The following KDM3B variants were observed in gnomAD, a reference collection of about 807,000 sequenced individuals.
The protein encoded by KDM3B is lysine demethylase 3B.
KDM3B carries 10 observed loss-of-function variants against 170.0 expected under a neutral mutation model. That is an observed-to-expected ratio of 0.06 (90% confidence interval 0.04 to 0.10). The LOEUF (loss-of-function observed/expected upper bound fraction) is 0.10. Among genes scored for constraint, KDM3B ranks in the 10% least tolerant of loss-of-function variants. KDM3B has a pLI of 1.00. For missense variants in KDM3B, 1,394 were observed against 2,195.2 expected (o/e 0.64, Z 7.29); for synonymous variants, 831 against 834.8 (o/e 1.00, Z 0.08).
intron 15 of KDM3B, among the ~76,000 whole-genome samples, chr5:138,423,561 T>A (rs988227236): frequency 8.5e-5 from 13 of 152,326 alleles, no homozygotes; most frequent in Admixed American, 7.2e-4. Context: ...AGGAGACTGC[T>A]TTCAGAATGT....
chr5:138,359,815 C>T (rs1266461036), intron 1 of KDM3B, among the ~76,000 whole-genome samples: 1 of 152,136 alleles, frequency 6.6e-6, no homozygotes, highest in Admixed American at 6.5e-5. Flanking sequence ...GAAGTGAAAG[C>T]ATATCCGCCC....
chr5:138,377,009 G>A (rs1014706309), intron 3 of KDM3B, among the ~76,000 whole-genome samples: 1 of 152,202 alleles, frequency 6.6e-6, no homozygotes, highest in Admixed American at 6.6e-5. Flanking sequence ...GACCAGAGCA[G>A]TTATTTCCTA....
chr5:138,419,700 TACAC>T (rs1217165992), intron 14 of KDM3B, among the ~76,000 whole-genome samples: 1 of 124,094 alleles, frequency 8.1e-6, no homozygotes, highest in African/African-American at 3.2e-5. Context: ...CATATATATA[TACAC>T]ACACACATAT....
intron 9 of KDM3B, 90 bp downstream of exon 9, chr5:138,393,462 C>A: frequency 8.9e-7 from 1 of 1,117,388 alleles, no homozygotes; most frequent in African/African-American, 1.6e-5. Flanking sequence ...CATGTTTCAT[C>A]ATCTTGGTCT....
Position 138,419,652 on chromosome 5 carries a change from CAA to C in KDM3B, c.3715+436_3715+437del, listed in dbSNP as rs1170205178. ...CCTGGGTAACAGCAAGACTCTGTCT[CAA>C]AAAAAAAAAAAAAAATATATATATA... On this transcript the variant is annotated intron_variant, in intron 14 of 23. Coordinates refer to ENST00000314358, the MANE Select transcript of KDM3B (RefSeq NM_016604.4). Among the ~76,000 whole-genome samples the C allele has an allele frequency of 1.3e-3, 62 of 47,082 alleles. 1 individual carries two copies. Among genetic ancestry groups the C allele is most frequent in the African/African-American group, 1.8e-3 (19 of 10,346 alleles). 30.9% of individuals were successfully genotyped at this position (47,082 alleles called of 152,430 possible).
In KDM3B at chr5:138,358,169, G is replaced by A. The variant is rs151293716; in HGVS notation, c.192+5182G>A. Among the ~76,000 whole-genome samples, 295 of 151,574 alleles carry A rather than the reference G, an allele frequency of 1.9e-3. 8 individuals are homozygous for A. The East Asian group carries it at 0.045, about 23-fold the overall frequency. On this transcript the variant is annotated intron_variant, in intron 1 of 23. Transcript: ENST00000314358. ...TCCACCACCATGTAATTTTAGTAGA[G>A]ATGGGGTTTCACCATGTTGGCCAGG...
intron 1 of KDM3B, among the ~76,000 whole-genome samples, chr5:138,353,615 G>A (rs1207744405): frequency 1.3e-5 from 2 of 152,214 alleles, no homozygotes; most frequent in African/African-American, 4.8e-5. Flanking sequence ...GGTGACAGGA[G>A]CTGCAGTTGT....
At chr5:138,362,355 C>A (rs1761630706) in intron 1 of KDM3B, among the ~76,000 whole-genome samples, 2 of 151,682 alleles carry the variant, frequency 1.3e-5, no homozygotes, top group African/African-American at 4.8e-5. Flanking sequence ...CCTTATGAAC[C>A]AGGGAAGATT....
chr5:138,355,612 A>T (rs1761429754), intron 1 of KDM3B, among the ~76,000 whole-genome samples: 1 of 152,224 alleles, frequency 6.6e-6, no homozygotes, highest in Non-Finnish European at 1.5e-5. Context: ...TTTGTGTTTT[A>T]AAATGGGCCT....
chr5:138,435,547 G>C, intron 23 of KDM3B, 73 bp from the exon 24 acceptor site: 1 of 1,196,002 alleles, frequency 8.4e-7, no homozygotes. Context: ...TAAACCAGTA[G>C]GCTTACAGTC....
chr5:138,366,640 C>A (rs1432629734), intron 1 of KDM3B, among the ~76,000 whole-genome samples: 2 of 152,090 alleles, frequency 1.3e-5, no homozygotes, highest in Non-Finnish European at 2.9e-5. Context: ...CCCCCATTAT[C>A]TTTCTATAGT....
chr5:138,390,944 G>A (rs1191127236), intron 7 of KDM3B, 69 bp from the exon 8 acceptor site: 2 of 1,417,702 alleles, frequency 1.4e-6, no homozygotes, highest in Non-Finnish European at 1.9e-6. Context: ...TGATAGTGAG[G>A]TCCAAGAAAG....
At chr5:138,373,104 C>G (rs570507110) in intron 2 of KDM3B, among the ~76,000 whole-genome samples, 30 of 152,262 alleles carry the variant, frequency 2.0e-4, no homozygotes, top group African/African-American at 5.1e-4. Flanking sequence ...CTTTGGGAGG[C>G]TGAAGCAGGA....
Position 138,352,819 on chromosome 5 carries a change from G to A in KDM3B, c.24G>A (p.Pro8=), listed in dbSNP as rs964448286. The part of the protein sequence containing the change: MADAAAS[P]VGKRLLLLFA... ...CGATGGCGGACGCGGCGGCCTCCCC[G>A]GTGGGCAAGCGGCTGCTGCTGCTGT... is the stretch of plus-strand genomic sequence containing the variant. Residue 8 remains proline, a synonymous_variant, in exon 1 of 24, where the codon CCG becomes CCA. Transcript: ENST00000314358. 6.8e-6 allele frequency: 9 copies of A among 1,329,842 alleles called. No homozygotes were observed. The African/African-American group carries it at 1.1e-4, about 16-fold the overall frequency. The allele number at this position is 1,329,842 out of a possible 1,614,324, so 82.4% of individuals were successfully genotyped here.
Position 138,411,224 on chromosome 5 carries a change from C to T in KDM3B, c.3200-3908C>T, listed in dbSNP as rs1003873892. On this transcript the variant is annotated intron_variant, in intron 11 of 23. Coordinates refer to ENST00000314358, the MANE Select transcript of KDM3B (RefSeq NM_016604.4). ...CAAGGAGCCCTCTGGTGGCCCTGTC[C>T]GGGCATAACAGAAGGCTCACACTCT... Among the ~76,000 whole-genome samples, 75 of 152,066 alleles carry T rather than the reference C, an allele frequency of 4.9e-4. 1 individual carries two copies. The highest frequency in any genetic ancestry group is 1.6e-3 in the African/African-American group (66 of 41,398).
At chr5:138,405,083 G>A (rs898667283) in intron 11 of KDM3B, among the ~76,000 whole-genome samples, 1 of 140,258 alleles carries the variant, frequency 7.1e-6, no homozygotes, top group Admixed American at 7.5e-5. Flanking sequence ...TCGTACTGTC[G>A]ACCAGGCTGG....
intron 6 of KDM3B, among the ~76,000 whole-genome samples, chr5:138,384,871 G>A (rs1158859812): frequency 6.8e-6 from 1 of 147,638 alleles, no homozygotes; most frequent in Non-Finnish European, 1.5e-5. Context: ...CCAAGATTGT[G>A]CCACTGCACT....
intron 17 of KDM3B, 177 bp from the exon 18 acceptor site, chr5:138,426,798 G>A (rs1439420722): frequency 3.8e-6 from 2 of 520,932 alleles, no homozygotes; most frequent in Non-Finnish European, 6.9e-6. Context: ...AGAATCGCTT[G>A]AACCCGGGAG....
At chr5:138,412,716 C>T (rs1472109553) in intron 11 of KDM3B, among the ~76,000 whole-genome samples, 2 of 151,948 alleles carry the variant, frequency 1.3e-5, no homozygotes, top group Non-Finnish European at 2.9e-5. Context: ...TCCCAGCTAC[C>T]TGGGAGGCTG....
Sources: gnomAD v4.1 joint callset for allele counts (sites outside exome capture counted in the v4.1 genomes callset) on GRCh38, gnomAD v4.1.1 for gene constraint, MANE v1.5 for transcripts, NCBI Gene and HGNC (gene_info 2026-07-23, HGNC 2026-07-21) for gene names.